The following CYRIA variants were observed in gnomAD, a reference collection of about 807,000 sequenced individuals.
CYRIA encodes the protein CYFIP-related Rac1 interactor A.
In CYRIA, 15 loss-of-function variants were observed where a neutral mutation model predicts 43.9. That is an observed-to-expected ratio of 0.34 (90% CI 0.23 to 0.53). The LOEUF is 0.53. CYRIA is among the 20% of genes least tolerant of loss of function. The pLI, the probability that CYRIA is intolerant of heterozygous loss-of-function variation, is 0.94. For missense variants in CYRIA, 236 were observed against 394.2 expected, an observed-to-expected ratio of 0.60 and a Z score of 3.40; for synonymous variants, 117 against 136.0, an observed-to-expected ratio of 0.86 and a Z score of 0.97.
intron 2 of CYRIA, among the ~76,000 whole-genome samples, 160 bp downstream of exon 2, chr2:16,623,704 G>A (rs1669071726): frequency 6.6e-6 from 1 of 152,184 alleles, no homozygotes; most frequent in East Asian, 1.9e-4. Context: ...AGATAGCACA[G>A]ATCCCACTCA....
intron 3 of CYRIA, among the ~76,000 whole-genome samples, chr2:16,580,943 C>G (rs552850901): frequency 3.9e-5 from 6 of 152,202 alleles, no homozygotes; most frequent in Admixed American, 2.0e-4. Flanking sequence ...ACAACATATG[C>G]AAAAATTAGT....
At chr2:16,587,986 T>C in intron 3 of CYRIA, 64 bp downstream of exon 3, 1 of 1,031,364 alleles carries the variant, frequency 9.7e-7, no homozygotes, top group South Asian at 1.5e-5. Flanking sequence ...ATGTTATAAC[T>C]TCCTTATCAA....
intron 3 of CYRIA, among the ~76,000 whole-genome samples, chr2:16,583,993 C>T (rs1667641108): frequency 6.6e-6 from 1 of 152,162 alleles, no homozygotes; most frequent in South Asian, 2.1e-4. Flanking sequence ...TTATATTCTA[C>T]CACTAACTTC....
In CYRIA at chr2:16,663,630, C is replaced by T. The variant is rs76364306; in HGVS notation, c.-167+2150G>A. Among the ~76,000 whole-genome samples, 476 of 151,782 alleles carry T rather than the reference C, an allele frequency of 3.1e-3. 4 individuals carry two copies. The highest frequency in any genetic ancestry group is 0.011 in the African/African-American group (461 of 41,386). The stretch of plus-strand genomic sequence containing the variant: ...CCTGACTTATCTAGTTGCATCTAGG[C>T]CTGGGAGCAAATGCAAACTGAATTC... On this transcript the variant is annotated intron_variant, in intron 1 of 11. Coordinates refer to ENST00000381323, the MANE Select transcript of CYRIA (RefSeq NM_030797.4).
chr2:16,624,355 T>G (rs1431763550), intron 1 of CYRIA, among the ~76,000 whole-genome samples: 1 of 152,218 alleles, frequency 6.6e-6, no homozygotes, highest in African/African-American at 2.4e-5. Context: ...GAATGGGAAG[T>G]CTTTTTATTT....
At chr2:16,626,589 C>T (rs1009732367) in intron 1 of CYRIA, among the ~76,000 whole-genome samples, 59 of 152,184 alleles carry the variant, frequency 3.9e-4, no homozygotes, top group African/African-American at 1.4e-3. Flanking sequence ...AAAAAGTCAG[C>T]ATATGTTTGA....
rs979111815 is a variant in CYRIA at position 16,552,010 on chromosome 2, C to G, written c.*926G>C. On this transcript the variant is annotated 3_prime_UTR_variant, in exon 12 of 12. Transcript: ENST00000381323. ...TGGTAACTAATGCAGTATCCTAGACCTTTGTTCTCATATGAATGGTCTTCA... is the reference window on the plus strand; with the variant it reads ...TGGTAACTAATGCAGTATCCTAGACGTTTGTTCTCATATGAATGGTCTTCA... 1 of 152,034 alleles carries G rather than the reference C, an allele frequency of 6.6e-6. No individual in the cohort carries two copies. Among genetic ancestry groups the G allele is most frequent in the Non-Finnish European group, 1.5e-5 (1 of 68,010 alleles). 9.4% of individuals were successfully genotyped at this position (152,034 alleles called of 1,614,324 possible). A position where few individuals can be genotyped will look rare whatever the true frequency, so the allele number is the denominator to read the frequency against.
intron 2 of CYRIA, among the ~76,000 whole-genome samples, chr2:16,615,970 T>C (rs1455741800): frequency 2.0e-5 from 3 of 152,228 alleles, no homozygotes; most frequent in Non-Finnish European, 2.9e-5. Flanking sequence ...CATTCTTCTC[T>C]TCTGTTTCGC....
At chr2:16,602,434 T>C (rs1340717010) in intron 2 of CYRIA, among the ~76,000 whole-genome samples, 4 of 152,170 alleles carry the variant, frequency 2.6e-5, no homozygotes, top group African/African-American at 7.2e-5. Flanking sequence ...TATATTTATA[T>C]AATTTCACAT....
At chr2:16,590,298 C>A (rs900508369) in intron 2 of CYRIA, among the ~76,000 whole-genome samples, 2 of 152,178 alleles carry the variant, frequency 1.3e-5, no homozygotes, top group African/African-American at 2.4e-5. Flanking sequence ...TATTCACTAA[C>A]CTCCTGGGTC....
At chr2:16,556,230 A>G (rs1666514773) in intron 10 of CYRIA, among the ~76,000 whole-genome samples, 1 of 152,134 alleles carries the variant, frequency 6.6e-6, no homozygotes, top group African/African-American at 2.4e-5. Flanking sequence ...AGGCTGCCAG[A>G]AAACAGGGTT....
chr2:16,637,928 G>A (rs1669553937), intron 1 of CYRIA, among the ~76,000 whole-genome samples: 1 of 152,156 alleles, frequency 6.6e-6, no homozygotes, highest in Non-Finnish European at 1.5e-5. Flanking sequence ...ACCAGGGACT[G>A]TGTCCACTTA....
At chr2:16,642,603 C>G (rs1188079902) in intron 1 of CYRIA, among the ~76,000 whole-genome samples, 1 of 152,142 alleles carries the variant, frequency 6.6e-6, no homozygotes, top group Admixed American at 6.5e-5. Context: ...CGCTAGAACA[C>G]GCTCTCCAGC....
chr2:16,554,226 A>G (rs561148793), intron 11 of CYRIA, among the ~76,000 whole-genome samples: 1 of 152,270 alleles, frequency 6.6e-6, no homozygotes, highest in East Asian at 1.9e-4. Flanking sequence ...CACTTACTGC[A>G]TGTACAACAC....
intron 1 of CYRIA, among the ~76,000 whole-genome samples, chr2:16,635,112 A>G (rs896405000): frequency 6.6e-6 from 1 of 152,220 alleles, no homozygotes; most frequent in Admixed American, 6.5e-5. Flanking sequence ...TAAAATAGGG[A>G]GGAGACATTT....
intron 1 of CYRIA, among the ~76,000 whole-genome samples, chr2:16,638,150 A>G (rs907120234): frequency 2.0e-5 from 3 of 152,192 alleles, no homozygotes; most frequent in African/African-American, 7.2e-5. Context: ...ATTCAGACAG[A>G]GGAGCAGTAA....
chr2:16,588,784 G>A (rs1409291693), intron 2 of CYRIA, among the ~76,000 whole-genome samples: 3 of 152,124 alleles, frequency 2.0e-5, no homozygotes, highest in Non-Finnish European at 4.4e-5. Flanking sequence ...CAAGTTAGAG[G>A]ATCTTGTGAT....
intron 1 of CYRIA, among the ~76,000 whole-genome samples, chr2:16,631,267 T>C (rs560436918): frequency 4.6e-5 from 7 of 152,362 alleles, no homozygotes; most frequent in African/African-American, 1.4e-4. Context: ...TTACAAATGA[T>C]TGTAACTAGC....
rs1462933029 is a variant in CYRIA at position 16,625,527 on chromosome 2, C to T, written c.-166-1508G>A. Among the ~76,000 whole-genome samples the T allele has an allele frequency of 3.9e-5, 6 of 152,144 alleles. No individual in the cohort carries two copies. In the East Asian group the frequency reaches 1.2e-3, roughly 29 times the overall value. On this transcript the variant is annotated intron_variant, in intron 1 of 11. Transcript: ENST00000381323. ...TGGACGTTAGTGGAGCTGGGCCCTG[C>T]ATTTTAGGAAACCGGATTGTGATGG... is the stretch of plus-strand genomic sequence containing the variant.
Sources: gnomAD v4.1 joint callset for allele counts (sites outside exome capture counted in the v4.1 genomes callset) on GRCh38, gnomAD v4.1.1 for gene constraint, MANE v1.5 for transcripts, NCBI Gene and HGNC (gene_info 2026-07-23, HGNC 2026-07-21) for gene names.